Variants in SH2D1B observed in about 807,000 individuals in gnomAD.
SH2D1B encodes the protein SH2 domain containing 1B, also known as SH2 domain-containing protein 1B.
SH2D1B carries 11 observed loss-of-function variants against 16.3 expected under a neutral mutation model. That is an observed-to-expected ratio of 0.67 (90% CI 0.42 to 1.11). SH2D1B has a LOEUF of 1.11. Ranked by LOEUF, SH2D1B falls within the 50% of genes most tolerant of loss-of-function variation. The pLI is 0.00. For synonymous variants in SH2D1B, 55 were observed against 56.1 expected (o/e 0.98, Z 0.09); for missense variants, 123 against 153.1 (o/e 0.80, Z 1.04).
Position 162,403,458 on chromosome 1 carries a change from C to T in SH2D1B, c.135-656G>A, listed in dbSNP as rs1648570207. On this transcript the variant is annotated intron_variant, in intron 1 of 3. Transcript: ENST00000367929. ...GAGCCAAGATCATGCCACTGCACTC[C>T]AGCCTGGGCGACAGAGCGAGACTCT... 3.9e-5 allele frequency among the ~76,000 whole-genome samples: 5 copies of T among 127,834 alleles called. No homozygotes were observed. In the Admixed American group the frequency reaches 4.7e-4, roughly 12 times the overall value. 83.9% of individuals were successfully genotyped at this position (127,834 alleles called of 152,430 possible). A position where few individuals can be genotyped will look rare whatever the true frequency, so the allele number is the denominator to read the frequency against.
intron 2 of SH2D1B, among the ~76,000 whole-genome samples, chr1:162,402,058 CTT>C (rs948526302): frequency 6.6e-6 from 1 of 152,206 alleles, no homozygotes; most frequent in African/African-American, 2.4e-5. Flanking sequence ...ATTGGGCACA[CTT>C]GACTCCCTAA....
intron 1 of SH2D1B, among the ~76,000 whole-genome samples, chr1:162,406,514 G>C (rs1209190279): frequency 1.3e-5 from 2 of 152,170 alleles, no homozygotes; most frequent in African/African-American, 4.8e-5. Context: ...GAAGTCTGGA[G>C]AGATGTATGC....
At chr1:162,404,006 A>G (rs945193449) in intron 1 of SH2D1B, among the ~76,000 whole-genome samples, 29 of 152,254 alleles carry the variant, frequency 1.9e-4, no homozygotes, top group Admixed American at 3.9e-4. Context: ...CAAGAGATCT[A>G]TTGTACAACA....
chr1:162,407,709 G>T (rs1332617925), intron 1 of SH2D1B, among the ~76,000 whole-genome samples: 1 of 152,174 alleles, frequency 6.6e-6, no homozygotes, highest in Non-Finnish European at 1.5e-5. Flanking sequence ...AGCATGAATT[G>T]GTTGATGTGA....
intron 1 of SH2D1B, among the ~76,000 whole-genome samples, chr1:162,408,195 T>A (rs918828792): frequency 2.6e-5 from 4 of 152,202 alleles, no homozygotes; most frequent in Non-Finnish European, 5.9e-5. Context: ...CATACTTATC[T>A]GTATGATAAT....
intron 1 of SH2D1B, among the ~76,000 whole-genome samples, chr1:162,406,377 C>T (rs1259349063): frequency 6.6e-6 from 1 of 152,072 alleles, no homozygotes; most frequent in Non-Finnish European, 1.5e-5. Flanking sequence ...AAATACTAAG[C>T]AGTCATAAGG....
intron 1 of SH2D1B, among the ~76,000 whole-genome samples, chr1:162,403,505 AAAAAAAATATAT>A (rs1163340629): frequency 9.5e-4 from 51 of 53,834 alleles, no homozygotes; most frequent in African/African-American, 3.5e-3. Context: ...AAAAAAAAAA[AAAAAAAATATAT>A]ATATATATAT....
At chr1:162,400,305 T>C (rs1238593970) in intron 2 of SH2D1B, among the ~76,000 whole-genome samples, 1 of 146,604 alleles carries the variant, frequency 6.8e-6, no homozygotes, top group Admixed American at 6.8e-5. Flanking sequence ...TTTTTTTTTT[T>C]TTTTGAGACG....
chr1:162,405,141 T>C (rs1026348691), intron 1 of SH2D1B, among the ~76,000 whole-genome samples: 1 of 152,240 alleles, frequency 6.6e-6, no homozygotes, highest in African/African-American at 2.4e-5. Flanking sequence ...AAAATAATTA[T>C]TCCGAATAAA....
rs56859554 is a variant in SH2D1B, at chr1:162,397,923, A to G, written c.364-608T>C. On this transcript the variant is annotated intron_variant, in intron 3 of 3. Transcript: ENST00000367929. ...TTTTTATTCTATAAATTTGGGGGGG[A>G]AAGTAGCTGTGGGACTACATCTGCA... 2.6e-4 allele frequency among the ~76,000 whole-genome samples: 33 copies of G among 127,964 alleles called. No individual in the cohort carries two copies. The Admixed American group carries it at 2.8e-3, about 11-fold the overall frequency. The allele number at this position is 127,964 out of a possible 152,430, so 83.9% of individuals were successfully genotyped here.
chr1:162,397,963 A>G (rs764693696), intron 3 of SH2D1B, among the ~76,000 whole-genome samples: 4 of 152,278 alleles, frequency 2.6e-5, no homozygotes, highest in Non-Finnish European at 4.4e-5. Flanking sequence ...GACCTATAGA[A>G]AGTGATTTTT....
chr1:162,411,741 C>A, intron 1 of SH2D1B, 142 bp downstream of exon 1: 2 of 1,103,542 alleles, frequency 1.8e-6, no homozygotes, highest in Non-Finnish European at 2.6e-6. Flanking sequence ...CCTCTCCTGG[C>A]AGTGTCCATT....
In SH2D1B at chr1:162,397,323, G is replaced by A; in HGVS notation, c.364-8C>T. On this transcript the variant is annotated splice_region_variant and splice_polypyrimidine_tract_variant and intron_variant, in intron 3 of 3. Coordinates refer to ENST00000367929, the MANE Select transcript of SH2D1B (RefSeq NM_053282.5). ...ATAATCGCTGTTACTGTTCTTTGGA[G>A]GGAAAAAAAAAGCAGAAGACCAGCC... The A allele has an allele frequency of 6.2e-7, 1 of 1,612,800 alleles. No homozygotes were observed. Among genetic ancestry groups the A allele is most frequent in the Non-Finnish European group, 8.5e-7 (1 of 1,179,518 alleles).
chr1:162,404,260 C>T (rs1472765446), intron 1 of SH2D1B, among the ~76,000 whole-genome samples: 3 of 152,120 alleles, frequency 2.0e-5, no homozygotes, highest in Non-Finnish European at 4.4e-5. Flanking sequence ...AGCTTGAACA[C>T]AGGAGGTGGA....
chr1:162,410,125 C>T (rs1349106583), intron 1 of SH2D1B, among the ~76,000 whole-genome samples: 1 of 152,186 alleles, frequency 6.6e-6, no homozygotes, highest in Non-Finnish European at 1.5e-5. Flanking sequence ...TATCTGATCA[C>T]TGTTGGATTC....
intron 1 of SH2D1B, among the ~76,000 whole-genome samples, chr1:162,403,505 AAAAAAAATATATATATATATATAT>A (rs1362303461): frequency 4.1e-4 from 22 of 53,854 alleles, no homozygotes; most frequent in Admixed American, 9.9e-4. Context: ...AAAAAAAAAA[AAAAAAAATATATATATATATATAT>A]ATATATATAT....
Position 162,399,363 on chromosome 1 carries a change from G to A in SH2D1B, c.199-276C>T, listed in dbSNP as rs184497710. Reference sequence around the variant, plus strand: ...CCCCATCCTTGGGAAGTTTACCTGGGGCAGTTCTCGCAGATACACTGTGAA... The same window carrying A: ...CCCCATCCTTGGGAAGTTTACCTGGAGCAGTTCTCGCAGATACACTGTGAA... On this transcript the variant is annotated intron_variant, in intron 2 of 3. Transcript: ENST00000367929. Among the ~76,000 whole-genome samples, 113 of 152,250 alleles carry A rather than the reference G, an allele frequency of 7.4e-4. 1 individual carries two copies. The highest frequency in any genetic ancestry group is 2.6e-3 in the African/African-American group (108 of 41,556).
At chr1:162,407,742 G>A (rs1160362359) in intron 1 of SH2D1B, among the ~76,000 whole-genome samples, 1 of 152,162 alleles carries the variant, frequency 6.6e-6, no homozygotes, top group Non-Finnish European at 1.5e-5. Context: ...AACCTTTCCT[G>A]TACCCAATGG....
chr1:162,408,657 G>T (rs1336145593), intron 1 of SH2D1B, among the ~76,000 whole-genome samples: 1 of 151,908 alleles, frequency 6.6e-6, no homozygotes, highest in Non-Finnish European at 1.5e-5. Context: ...CTAGTGATCT[G>T]CCCGCCTCGG....
Sources: gnomAD v4.1 joint callset for allele counts (sites outside exome capture counted in the v4.1 genomes callset) on GRCh38, gnomAD v4.1.1 for gene constraint, MANE v1.5 for transcripts, NCBI Gene and HGNC (gene_info 2026-07-23, HGNC 2026-07-21) for gene names.